FBXO4: variants seen among roughly 807,000 people sequenced by gnomAD.
FBXO4 encodes the protein F-box only protein 4.
In FBXO4, 36 loss-of-function variants were observed where a neutral mutation model predicts 43.7. The observed-to-expected ratio is 0.82, with a 90% CI of 0.63 to 1.09. The LOEUF (loss-of-function observed/expected upper bound fraction) is 1.09, where lower values mean the gene tolerates loss of function less well. FBXO4 is among the 50% of genes least tolerant of loss of function. The pLI, the probability that FBXO4 is intolerant of heterozygous loss-of-function variation, is 0.00. For missense variants in FBXO4, 435 were observed against 474.1 expected (o/e 0.92, Z 0.77); for synonymous variants, 180 against 165.6 (o/e 1.09, Z -0.67).
At chr5:42,037,766 T>A in the FBXO4 span, among the ~76,000 whole-genome samples, 1 of 152,094 alleles carries the variant, frequency 6.6e-6, no homozygotes, top group African/African-American at 2.4e-5. Flanking sequence ...CAAGACCCGA[T>A]GCTTTCATCC....
chr5:41,937,015 A>C (rs1424000882), intron 5 of FBXO4, among the ~76,000 whole-genome samples: 5 of 152,188 alleles, frequency 3.3e-5, no homozygotes, highest in Admixed American at 6.5e-5. Flanking sequence ...AGAAAAATTG[A>C]CCCACAGAAT....
chr5:41,996,835 G>T, the FBXO4 span, among the ~76,000 whole-genome samples: 11 of 152,264 alleles, frequency 7.2e-5, no homozygotes, highest in African/African-American at 2.6e-4. Flanking sequence ...GAGGTAGAAG[G>T]CCCCTGAATT....
chr5:41,939,244 G>T, intron 5 of FBXO4, 197 bp from the exon 6 acceptor site: 1 of 439,130 alleles, frequency 2.3e-6, no homozygotes. Context: ...TACAGAATTT[G>T]TGAAAGGAAC....
the FBXO4 span, among the ~76,000 whole-genome samples, chr5:42,006,189 C>G: frequency 6.6e-6 from 1 of 152,114 alleles, no homozygotes; most frequent in Non-Finnish European, 1.5e-5. Context: ...TACTACATTT[C>G]TATCATCTCA....
the FBXO4 span, among the ~76,000 whole-genome samples, chr5:42,038,359 T>C: frequency 1.3e-5 from 2 of 152,210 alleles, no homozygotes; most frequent in Admixed American, 1.3e-4. Context: ...AACGATTGTT[T>C]CCAATAAAGG....
At position 41,931,816 on chromosome 5, in the gene FBXO4, CTA is replaced by C. The variant is rs1249152285; in HGVS notation, c.646+1901_646+1902del. On this transcript the variant is annotated intron_variant, in intron 3 of 6. Coordinates refer to ENST00000281623, the MANE Select transcript of FBXO4 (RefSeq NM_012176.3). ...TTCAGTTTATGTTTGGGGGAAGTGA[CTA>C]TTAAATGGAGATTCATAAGTAATAA... 5.9e-5 allele frequency among the ~76,000 whole-genome samples: 9 copies of C among 152,218 alleles called. No homozygotes were observed. The East Asian group carries it at 1.7e-3, about 29-fold the overall frequency.
At chr5:42,006,807 T>C in the FBXO4 span, among the ~76,000 whole-genome samples, 2 of 149,064 alleles carry the variant, frequency 1.3e-5, no homozygotes, top group Non-Finnish European at 3.0e-5. Context: ...CACAAAGAAA[T>C]GCTTTGCAGA....
At chr5:42,004,514 A>AAATACATAGGACCATAGAAT in the FBXO4 span, among the ~76,000 whole-genome samples, 1 of 152,216 alleles carries the variant, frequency 6.6e-6, no homozygotes, top group African/African-American at 2.4e-5. Flanking sequence ...AGAAATGTTT[A>AAATACATAGGACCATAGAAT]AATACATAGG....
chr5:41,984,791 G>T, the FBXO4 span, among the ~76,000 whole-genome samples: 1 of 152,148 alleles, frequency 6.6e-6, no homozygotes, highest in African/African-American at 2.4e-5. Flanking sequence ...GGTTACAGGT[G>T]TGAGCCACCC....
chr5:41,953,266 G>A, the FBXO4 span, among the ~76,000 whole-genome samples: 26,302 of 150,972 alleles, frequency 0.17, 2,470 homozygotes, highest in Middle Eastern at 0.3. Context: ...TTGTCCTTGC[G>A]ATAGTTTACT....
At chr5:41,989,958 G>A in the FBXO4 span, among the ~76,000 whole-genome samples, 5 of 152,138 alleles carry the variant, frequency 3.3e-5, no homozygotes, top group African/African-American at 1.2e-4. Flanking sequence ...TATGCCTGGT[G>A]GATGCATATT....
the FBXO4 span, among the ~76,000 whole-genome samples, chr5:42,036,977 G>A: frequency 1.3e-5 from 2 of 151,980 alleles, no homozygotes; most frequent in Non-Finnish European, 2.9e-5. Context: ...TTGTTTCTTG[G>A]GTGTATTGAG....
At chr5:41,947,569 C>G in the FBXO4 span, among the ~76,000 whole-genome samples, 2 of 152,240 alleles carry the variant, frequency 1.3e-5, no homozygotes, top group East Asian at 3.9e-4. Context: ...GAGGATTGTC[C>G]AGAAGGGAAA....
chr5:41,950,013 T>C, the FBXO4 span, among the ~76,000 whole-genome samples: 1 of 152,184 alleles, frequency 6.6e-6, no homozygotes, highest in African/African-American at 2.4e-5. Flanking sequence ...GCTAGCTGTA[T>C]GTAGAAAGCT....
the FBXO4 span, among the ~76,000 whole-genome samples, chr5:41,993,441 C>A: frequency 1.3e-5 from 2 of 151,856 alleles, no homozygotes; most frequent in African/African-American, 4.8e-5. Flanking sequence ...CACGTAGTTA[C>A]AATTTTTTTT....
At position 41,927,202 on chromosome 5, in the gene FBXO4, C is replaced by G. The variant is rs1163933851; in HGVS notation, c.379C>G (p.Pro127Ala). The G allele has an allele frequency of 1.2e-6, 2 of 1,612,978 alleles. No individual in the cohort carries two copies. Among genetic ancestry groups the G allele is most frequent in the African/African-American group, 2.7e-5 (2 of 74,762 alleles). The stretch of plus-strand genomic sequence containing the variant: ...TCCAGATCTAGAAATCTTAAAAAAG[C>G]CTATATCTGAGGTCACTGATGGTGC... ...SLPDLEILKKPISEVTDGAFF... is the reference protein window; with the variant it reads ...SLPDLEILKKAISEVTDGAFF... Residue 127 changes from proline (P) to alanine (A), a missense_variant, in exon 2 of 7, where the codon CCT (proline) becomes GCT (alanine). Pro to Ala is a conservative substitution (Grantham distance 27). Coordinates refer to ENST00000281623, the MANE Select transcript of FBXO4 (RefSeq NM_012176.3).
chr5:41,995,274 A>C, the FBXO4 span, among the ~76,000 whole-genome samples: 1 of 152,196 alleles, frequency 6.6e-6, no homozygotes, highest in Non-Finnish European at 1.5e-5. Flanking sequence ...AGAAGCATTG[A>C]ATGCAGGATA....
the FBXO4 span, among the ~76,000 whole-genome samples, chr5:42,001,495 GT>G: frequency 6.6e-6 from 1 of 152,166 alleles, no homozygotes; most frequent in East Asian, 1.9e-4. Context: ...GCCTCCCAAA[GT>G]GCTGGGATTA....
the FBXO4 span, among the ~76,000 whole-genome samples, chr5:41,996,875 A>C: frequency 1.3e-5 from 2 of 152,214 alleles, no homozygotes; most frequent in East Asian, 1.9e-4. Context: ...ATCCTCTGGC[A>C]CACAAATGTC....
Sources: allele counts gnomAD v4.1 joint callset (sites outside exome capture counted in the v4.1 genomes callset), GRCh38; gene constraint gnomAD v4.1.1; transcripts MANE v1.5; gene names NCBI Gene and HGNC (gene_info 2026-07-23, HGNC 2026-07-21).